Variants in IL1RAPL1 observed in about 807,000 individuals in gnomAD.
IL1RAPL1 encodes interleukin-1 receptor accessory protein-like 1.
IL1RAPL1 carries 3 observed loss-of-function variants against 48.4 expected under a neutral mutation model. That is an observed-to-expected ratio of 0.06 (90% confidence interval 0.03 to 0.16). The LOEUF (loss-of-function observed/expected upper bound fraction) is 0.16. Among genes scored for constraint, IL1RAPL1 ranks in the 10% least tolerant of loss-of-function variants. The probability of loss-of-function intolerance (pLI) is 1.00; values close to 1 mark genes in which losing one functional copy is unlikely to be tolerated. For synonymous variants in IL1RAPL1, 185 were observed against 187.7 expected, an observed-to-expected ratio of 0.99 and a Z score of 0.12; for missense variants, 349 against 530.6, an observed-to-expected ratio of 0.66 and a Z score of 3.36.
At chrX:29,489,390 T>G (rs1244299437) in intron 5 of IL1RAPL1, among the ~76,000 whole-genome samples, 1 of 111,899 alleles carries the variant, frequency 8.9e-6, no homozygotes, top group African/African-American at 3.3e-5. Context: ...AGACAAGTAT[T>G]AATGAATATT....
intron 5 of IL1RAPL1, among the ~76,000 whole-genome samples, chrX:29,431,648 G>C (rs1934424145): frequency 9.0e-6 from 1 of 111,238 alleles, no homozygotes; most frequent in Non-Finnish European, 1.9e-5. Context: ...GCTTAAATAG[G>C]AGAAAATATT....
At chrX:29,163,842 A>C (rs192772849) in intron 2 of IL1RAPL1, among the ~76,000 whole-genome samples, 1 of 111,912 alleles carries the variant, frequency 8.9e-6, no homozygotes, top group East Asian at 2.8e-4. Context: ...CCACCAGAAA[A>C]TTTCTGGTAG....
chrX:29,397,156 T>C (rs1419619455), intron 4 of IL1RAPL1, among the ~76,000 whole-genome samples: 1 of 112,171 alleles, frequency 8.9e-6, no homozygotes, highest in Non-Finnish European at 1.9e-5. Flanking sequence ...AAATAAAGTA[T>C]AGATGCTGTG....
intron 2 of IL1RAPL1, among the ~76,000 whole-genome samples, chrX:29,228,332 AGTGTGTGTGTGT>A (rs1555978439): frequency 2.5e-5 from 2 of 79,566 alleles, no homozygotes; most frequent in South Asian, 7.3e-4. Flanking sequence ...AGTTTTGCCT[AGTGTGTGTGTGT>A]GTGTGTGTGT....
At chrX:29,183,506 A>T (rs1179151903) in intron 2 of IL1RAPL1, among the ~76,000 whole-genome samples, 1 of 111,129 alleles carries the variant, frequency 9.0e-6, no homozygotes, top group Non-Finnish European at 1.9e-5. Context: ...CCCCTCCATG[A>T]TCTACATCTT....
intron 6 of IL1RAPL1, among the ~76,000 whole-genome samples, chrX:29,712,225 C>T (rs1927371673): frequency 1.8e-5 from 2 of 109,666 alleles, no homozygotes; most frequent in Admixed American, 9.8e-5. Context: ...TCACCTCTTC[C>T]TTCTATTTTT....
chrX:29,232,482 A>G (rs1013745227), intron 2 of IL1RAPL1, among the ~76,000 whole-genome samples: 5 of 112,314 alleles, frequency 4.5e-5, no homozygotes, highest in African/African-American at 1.6e-4. Context: ...ACTATTTTTT[A>G]TATACTCTGG....
At chrX:28,779,929 C>A (rs1332925112) in intron 1 of IL1RAPL1, among the ~76,000 whole-genome samples, 1 of 108,619 alleles carries the variant, frequency 9.2e-6, no homozygotes, top group Non-Finnish European at 1.9e-5. Flanking sequence ...TTACACCTGA[C>A]TTGATGGAGT....
At chrX:29,111,509 T>A (rs1381224712) in intron 2 of IL1RAPL1, among the ~76,000 whole-genome samples, 1 of 111,755 alleles carries the variant, frequency 8.9e-6, no homozygotes, top group African/African-American at 3.3e-5. Flanking sequence ...TGATGGTGGG[T>A]GGCTTGATCT....
intron 2 of IL1RAPL1, among the ~76,000 whole-genome samples, chrX:29,273,619 C>T (rs1932075359): frequency 8.9e-6 from 1 of 112,085 alleles, no homozygotes; most frequent in Admixed American, 9.5e-5. Flanking sequence ...GGTGTGCCAG[C>T]AGCCACAGCA....
intron 1 of IL1RAPL1, among the ~76,000 whole-genome samples, chrX:28,613,879 T>C (rs747866917): frequency 2.8e-4 from 31 of 112,431 alleles, no homozygotes; most frequent in Non-Finnish European, 4.3e-4. Flanking sequence ...TGAGAGAACA[T>C]GGGCTTTTCA....
At chrX:29,016,861 A>G (rs1392501917) in intron 2 of IL1RAPL1, among the ~76,000 whole-genome samples, 1 of 111,683 alleles carries the variant, frequency 9.0e-6, no homozygotes, top group Admixed American at 9.6e-5. Context: ...AGTAAAACAT[A>G]TATACACATG....
intron 2 of IL1RAPL1, among the ~76,000 whole-genome samples, chrX:29,032,017 TTATC>T (rs748043667): frequency 8.9e-6 from 1 of 112,129 alleles, no homozygotes; most frequent in East Asian, 2.8e-4. Flanking sequence ...ACCTACCTAC[TTATC>T]TATCTGTTTT....
At chrX:29,919,460 G>A (rs143010850) in intron 7 of IL1RAPL1, among the ~76,000 whole-genome samples, 2,918 of 112,106 alleles carry the variant, frequency 0.026, 82 homozygotes, top group African/African-American at 0.09. Flanking sequence ...ATAGTTTCAC[G>A]TTCCTTCAAA....
intron 2 of IL1RAPL1, among the ~76,000 whole-genome samples, chrX:29,035,005 C>T (rs1209793765): frequency 1.8e-5 from 2 of 111,034 alleles, no homozygotes; most frequent in Non-Finnish European, 3.8e-5. Context: ...CAGGTGCCTG[C>T]CACCACGCCC....
intron 2 of IL1RAPL1, among the ~76,000 whole-genome samples, chrX:28,932,048 A>T (rs1406438272): frequency 4.5e-5 from 5 of 109,921 alleles, no homozygotes; most frequent in African/African-American, 1.6e-4. Flanking sequence ...TCTCAAAAAA[A>T]AAATAAAAAA....
intron 6 of IL1RAPL1, among the ~76,000 whole-genome samples, chrX:29,906,465 A>T (rs1932625493): frequency 5.3e-3 from 2 of 377 alleles, no homozygotes; most frequent in Non-Finnish European, 0.011. Context: ...TTGTAAATAT[A>T]TATATATATA....
At chrX:28,942,669 A>T (rs1204567465) in intron 2 of IL1RAPL1, 1 of 106,950 alleles carries the variant, frequency 9.4e-6, no homozygotes, top group African/African-American at 3.4e-5. Context: ...AAAAAAAAAA[A>T]GTTTATAATT....
rs1435511733 is a variant in IL1RAPL1, at chrX:29,342,114, G to T, written c.363-54144G>T. ...GAGCCACTGCACACGGCCTTGTTTT[G>T]TGTGTGTGTGTGTGTGTGTGTGTGT... On this transcript the variant is annotated intron_variant, in intron 3 of 10. Transcript: ENST00000378993. Among the ~76,000 whole-genome samples, 201 of 42,249 alleles carry T rather than the reference G, an allele frequency of 4.8e-3. 1 individual carries two copies. Among genetic ancestry groups the T allele is most frequent in the African/African-American group, 0.017 (194 of 11,234 alleles). The allele number at this position is 42,249 out of a possible 115,157, so 36.7% of individuals were successfully genotyped here.
Sources: allele counts gnomAD v4.1 joint callset (sites outside exome capture counted in the v4.1 genomes callset), GRCh38; gene constraint gnomAD v4.1.1; transcripts MANE v1.5; gene names NCBI Gene and HGNC (gene_info 2026-07-23, HGNC 2026-07-21).